TENM3: variants seen among roughly 807,000 people sequenced by gnomAD.
The protein encoded by TENM3 is teneurin transmembrane protein 3, also known as teneurin-3.
Under a neutral mutation model 255.1 loss-of-function variants are expected in TENM3, and 63 were observed. The observed-to-expected ratio is 0.25, with a 90% CI of 0.20 to 0.30. The LOEUF (loss-of-function observed/expected upper bound fraction) is 0.30. Among genes scored for constraint, TENM3 ranks in the 10% least tolerant of loss-of-function variants. TENM3 has a pLI of 1.00. For missense variants in TENM3, 2,929 were observed against 3,461.1 expected, an observed-to-expected ratio of 0.85 and a Z score of 3.86; for synonymous variants, 1,306 against 1,322.3, an observed-to-expected ratio of 0.99 and a Z score of 0.27.
the TENM3 span, among the ~76,000 whole-genome samples, chr4:181,735,185 T>A: frequency 6.6e-6 from 1 of 152,152 alleles, no homozygotes. Flanking sequence ...TTTTTTATTA[T>A]AAGCAGTTAT....
chr4:182,317,023 A>G (rs1762787970), intron 1 of TENM3, among the ~76,000 whole-genome samples: 1 of 152,108 alleles, frequency 6.6e-6, no homozygotes, highest in African/African-American at 2.4e-5. Flanking sequence ...GTTGTTCCAG[A>G]TATTTTGTCT....
chr4:182,748,564 T>A (rs1040069785), intron 19 of TENM3, among the ~76,000 whole-genome samples: 1 of 152,200 alleles, frequency 6.6e-6, no homozygotes, highest in African/African-American at 2.4e-5. Flanking sequence ...ATCCCAGTCC[T>A]ATGGCATATG....
intron 4 of TENM3, among the ~76,000 whole-genome samples, chr4:182,603,644 A>G (rs551916444): frequency 6.6e-6 from 1 of 151,976 alleles, no homozygotes; most frequent in African/African-American, 2.4e-5. Flanking sequence ...CTTTTAGTTA[A>G]GGTTCCCTAT....
At chr4:181,568,305 A>C in the TENM3 span, among the ~76,000 whole-genome samples, 1 of 151,582 alleles carries the variant, frequency 6.6e-6, no homozygotes, top group Non-Finnish European at 1.5e-5. Flanking sequence ...CTGAGATTAC[A>C]GGCGCCCGCC....
chr4:182,114,535 T>A, the TENM3 span, among the ~76,000 whole-genome samples: 1 of 152,082 alleles, frequency 6.6e-6, no homozygotes, highest in Non-Finnish European at 1.5e-5. Flanking sequence ...AATGTAGAAA[T>A]TCTAATGAAC....
At chr4:181,825,435 A>T in the TENM3 span, among the ~76,000 whole-genome samples, 1 of 148,626 alleles carries the variant, frequency 6.7e-6, no homozygotes, top group East Asian at 2.0e-4. Flanking sequence ...AACAGAGAAT[A>T]GTTGACATTA....
intron 3 of TENM3, among the ~76,000 whole-genome samples, chr4:182,542,082 A>G (rs1383112084): frequency 6.6e-6 from 1 of 152,110 alleles, no homozygotes; most frequent in Non-Finnish European, 1.5e-5. Flanking sequence ...AAAAGTAGTG[A>G]CAGCCATATA....
At chr4:181,693,391 A>G in the TENM3 span, among the ~76,000 whole-genome samples, 1 of 152,078 alleles carries the variant, frequency 6.6e-6, no homozygotes, top group Non-Finnish European at 1.5e-5. Flanking sequence ...CCATAATTTT[A>G]TGTTGGTGTG....
At chr4:181,642,171 G>A in the TENM3 span, among the ~76,000 whole-genome samples, 2 of 151,970 alleles carry the variant, frequency 1.3e-5, no homozygotes, top group Non-Finnish European at 2.9e-5. Flanking sequence ...ATTCTAACAG[G>A]TGTGAGATGG....
chr4:182,649,088 G>A (rs746574241), intron 5 of TENM3, among the ~76,000 whole-genome samples: 36 of 151,000 alleles, frequency 2.4e-4, no homozygotes, highest in Non-Finnish European at 3.4e-4. Context: ...TTTCTATGGG[G>A]TATACAAACA....
the TENM3 span, among the ~76,000 whole-genome samples, chr4:182,107,692 A>AT: frequency 1.3e-5 from 2 of 151,972 alleles, no homozygotes; most frequent in South Asian, 2.1e-4. Flanking sequence ...TTCCCCTTTT[A>AT]TTTTTTTCCT....
At chr4:182,733,667 A>T (rs910721529) in intron 16 of TENM3, among the ~76,000 whole-genome samples, 1 of 152,238 alleles carries the variant, frequency 6.6e-6, no homozygotes, top group East Asian at 1.9e-4. Flanking sequence ...AAGGTCTAGG[A>T]TAACAAAAAG....
intron 3 of TENM3, among the ~76,000 whole-genome samples, chr4:182,376,184 A>G (rs1485331955): frequency 2.0e-5 from 3 of 152,308 alleles, no homozygotes; most frequent in South Asian, 2.1e-4. Flanking sequence ...ACGCTTTTGG[A>G]ATCAATATTG....
the TENM3 span, among the ~76,000 whole-genome samples, chr4:181,939,713 G>T: frequency 6.6e-6 from 1 of 152,218 alleles, no homozygotes; most frequent in African/African-American, 2.4e-5. Context: ...GGGGTGCGGG[G>T]CGCTCAGCAC....
chr4:182,126,033 T>C, the TENM3 span, among the ~76,000 whole-genome samples: 1 of 152,220 alleles, frequency 6.6e-6, no homozygotes. Flanking sequence ...ACCAGATAAG[T>C]ATTTGTTTCT....
the TENM3 span, among the ~76,000 whole-genome samples, chr4:181,474,293 A>C: frequency 1.0e-5 from 1 of 97,662 alleles, no homozygotes; most frequent in Non-Finnish European, 2.5e-5. Context: ...CTGCACATGT[A>C]CCCCCCAGAA....
chr4:181,994,044 T>C, the TENM3 span, among the ~76,000 whole-genome samples: 9 of 152,300 alleles, frequency 5.9e-5, no homozygotes, highest in South Asian at 8.3e-4. Flanking sequence ...ATTACATTCA[T>C]ACAATGATTT....
chr4:181,915,224 C>T, the TENM3 span, among the ~76,000 whole-genome samples: 4 of 152,104 alleles, frequency 2.6e-5, no homozygotes, highest in Non-Finnish European at 5.9e-5. Flanking sequence ...CATATTTTAT[C>T]CTGCTCCTTT....
At chr4:181,933,001 C>A in the TENM3 span, among the ~76,000 whole-genome samples, 1 of 152,012 alleles carries the variant, frequency 6.6e-6, no homozygotes, top group Non-Finnish European at 1.5e-5. Context: ...GCATAACACA[C>A]TGGGGCCTCC....
Sources: allele counts gnomAD v4.1 joint callset (sites outside exome capture counted in the v4.1 genomes callset), GRCh38; gene constraint gnomAD v4.1.1; transcripts MANE v1.5; gene names NCBI Gene and HGNC (gene_info 2026-07-23, HGNC 2026-07-21).